Variants in SLC6A9 observed in about 807,000 individuals in gnomAD.
SLC6A9 encodes solute carrier family 6 member 9.
SLC6A9 carries 31 observed loss-of-function variants against 70.9 expected under a neutral mutation model. The ratio of observed to expected loss-of-function variants is 0.44; its 90% CI spans 0.33 to 0.59. The LOEUF is 0.59. SLC6A9 is among the 20% of genes least tolerant of loss of function. The pLI is 0.04. For synonymous variants in SLC6A9, 310 were observed against 341.3 expected (o/e 0.91, Z 1.01); for missense variants, 631 against 845.2 (o/e 0.75, Z 3.14).
At chr1:44,017,444 C>T (rs867002759) in intron 2 of SLC6A9, 2 of 992,438 alleles carry the variant, frequency 2.0e-6, no homozygotes, top group South Asian at 2.1e-5. Context: ...GTGGCTCACT[C>T]CCCCCACGGA....
intron 12 of SLC6A9, among the ~76,000 whole-genome samples, chr1:43,999,840 C>T (rs2086025006): frequency 1.3e-5 from 2 of 152,200 alleles, no homozygotes; most frequent in African/African-American, 4.8e-5. Context: ...CTCTGACTAT[C>T]ACTCAGAGGT....
Position 44,000,754 on chromosome 1 carries a change from C to T in SLC6A9, c.1536+13G>A, listed in dbSNP as rs1422916667. 1 of 1,565,880 alleles carries T rather than the reference C, an allele frequency of 6.4e-7. No individual in the cohort carries two copies. The highest frequency in any genetic ancestry group is 2.2e-5 in the East Asian group (1 of 44,612). Reference sequence around the variant, plus strand: ...GGCAGCGGGGGAAGGGAGGGGCCGGCCAGGGAACTCACGAAGATGATGGCG... The same window carrying T: ...GGCAGCGGGGGAAGGGAGGGGCCGGTCAGGGAACTCACGAAGATGATGGCG... On this transcript the variant is annotated intron_variant, in intron 12 of 13. Transcript: ENST00000372310.
At chr1:44,017,408 CA>C (rs1553163829) in intron 2 of SLC6A9, 1 of 958,288 alleles carries the variant, frequency 1.0e-6, no homozygotes. Context: ...CACACACACA[CA>C]GACTGGGGCA....
Position 44,002,677 on chromosome 1 carries a change from G to A in SLC6A9, c.724-31C>T. 6.2e-7 allele frequency: 1 copy of A among 1,613,322 alleles called. No homozygotes were observed. The highest frequency in any genetic ancestry group is 8.5e-7 in the Non-Finnish European group (1 of 1,179,438). On this transcript the variant is annotated intron_variant, in intron 6 of 13. Coordinates refer to ENST00000372310, the MANE Select transcript of SLC6A9 (RefSeq NM_001024845.3). This position sits in a 1 kb window ranked among gnomAD's most constrained non-coding sequence, Gnocchi z 5.5. ...ACAAGAGGGCTCCATGGACTCTTCT[G>A]GGCTCTCCCCTCCCCTGGGCACCAC...
At chr1:44,005,989 T>C (rs2086295940) in intron 5 of SLC6A9, among the ~76,000 whole-genome samples, 1 of 152,186 alleles carries the variant, frequency 6.6e-6, no homozygotes, top group South Asian at 2.1e-4. Context: ...CTGGATAAAA[T>C]CTCTAGAGCT....
rs746652370 is a variant in SLC6A9, at chr1:43,997,566, G to A, written c.1881C>T (p.Arg627=). Reference sequence around the variant, plus strand: ...GTGCTCATATCCGGGAGTCCTGGAGGCGGCTGGAGCCATTACTGCCCACAA... The same window carrying A: ...GTGCTCATATCCGGGAGTCCTGGAGACGGCTGGAGCCATTACTGCCCACAA... ...IPIVGSNGSS[R]LQDSRI is the part of the protein sequence containing the mutation. The change falls in exon 14 of 14, where the codon CGC becomes CGT. Residue 627 remains arginine, a synonymous_variant. Coordinates refer to ENST00000372310, the MANE Select transcript of SLC6A9 (RefSeq NM_001024845.3). This position sits in a 1 kb window ranked among gnomAD's most constrained non-coding sequence, Gnocchi z 4.4. 1.2e-6 allele frequency: 2 copies of A among 1,613,586 alleles called. No individual in the cohort carries two copies. Among genetic ancestry groups the A allele is most frequent in the South Asian group, 2.2e-5 (2 of 91,082 alleles).
At chr1:44,017,368 AACACACACACAC>A (rs3038812) in intron 2 of SLC6A9, 1,034 of 827,892 alleles carry the variant, frequency 1.2e-3, no homozygotes, top group African/African-American at 6.0e-3. Context: ...TAACTGGAAC[AACACACACACAC>A]ACACACACAC....
At chr1:44,006,670 T>G (rs137862487) in intron 5 of SLC6A9, among the ~76,000 whole-genome samples, 90 of 150,464 alleles carry the variant, frequency 6.0e-4, no homozygotes, top group African/African-American at 2.2e-3. Context: ...AATGTTAGGA[T>G]GTTAAAAATT....
rs202227574 is a variant in SLC6A9 at position 44,011,717 on chromosome 1, C to T, written c.31-835G>A. The stretch of plus-strand genomic sequence containing the variant: ...AGAAGGATCTCTGAACAGGGAGAAG[C>T]GTCACCTGCAGGGGAGGGGGCCGAA... On this transcript the variant is annotated intron_variant, in intron 2 of 13. Coordinates refer to ENST00000372310, the MANE Select transcript of SLC6A9 (RefSeq NM_001024845.3). 6.2e-6 allele frequency: 10 copies of T among 1,613,574 alleles called. No individual in the cohort carries two copies. Among genetic ancestry groups the T allele is most frequent in the Admixed American group, 1.7e-5 (1 of 59,956 alleles).
chr1:44,010,396 T>TTGTGAGGATAAGTTG (rs2086502905), intron 3 of SLC6A9: 1 of 407,606 alleles, frequency 2.5e-6, no homozygotes. Context: ...ATCCTCAACA[T>TTGTGAGGATAAGTTG]CCCTGAACCA....
chr1:44,022,904 C>T (rs2086914243), intron 2 of SLC6A9, among the ~76,000 whole-genome samples: 1 of 151,912 alleles, frequency 6.6e-6, no homozygotes, highest in Non-Finnish European at 1.5e-5. Context: ...CAAGGTTTCA[C>T]CATGTTGGTC....
Position 44,001,382 on chromosome 1 carries a change from C to T in SLC6A9, c.1200+8G>A. The T allele has an allele frequency of 1.9e-6, 3 of 1,612,420 alleles. No individual in the cohort carries two copies. Among genetic ancestry groups the T allele is most frequent in the Non-Finnish European group, 2.5e-6 (3 of 1,178,782 alleles). On this transcript the variant is annotated splice_region_variant and intron_variant, in intron 9 of 13. Coordinates refer to ENST00000372310, the MANE Select transcript of SLC6A9 (RefSeq NM_001024845.3). The stretch of plus-strand genomic sequence containing the variant: ...CCAAGCCTCCGGTCCACGTCCTGCA[C>T]CTCGTACCTGAGTGCCCAGCCCCAG...
intron 5 of SLC6A9, among the ~76,000 whole-genome samples, chr1:44,007,246 C>A (rs1244537016): frequency 6.6e-6 from 1 of 152,246 alleles, no homozygotes; most frequent in Non-Finnish European, 1.5e-5. Context: ...TGGACCGAGG[C>A]ACTTGCCCTA....
chr1:44,028,779 A>G (rs572158817), intron 1 of SLC6A9, among the ~76,000 whole-genome samples: 1 of 149,452 alleles, frequency 6.7e-6, no homozygotes, highest in East Asian at 1.9e-4. Context: ...AGAAAAAAGA[A>G]AGAGAGAGAG....
Position 44,000,776 on chromosome 1 carries a change from GGC to G in SLC6A9, c.1525_1526del (p.Ala509HisfsTer93), listed in dbSNP as rs749973223. On this transcript the variant is annotated frameshift_variant, in exon 12 of 14. Coordinates refer to ENST00000372310, the MANE Select transcript of SLC6A9 (RefSeq NM_001024845.3). LOFTEE classifies it high-confidence loss of function. The stretch of plus-strand genomic sequence containing the variant: ...CGGCCAGGGAACTCACGAAGATGAT[GGC>G]GGGAGAGACGAAGCGCCAGCAGATC... ...FQICWRFVSP[A>X]IIFFILVFTV... 5 of 1,604,688 alleles carry G rather than the reference GGC, an allele frequency of 3.1e-6. No individual in the cohort carries two copies. Among genetic ancestry groups the G allele is most frequent in the African/African-American group, 1.3e-5 (1 of 74,742 alleles).
intron 2 of SLC6A9, chr1:44,016,370 C>G (rs1054566903): frequency 6.6e-6 from 1 of 152,548 alleles, no homozygotes; most frequent in Admixed American, 6.5e-5. Flanking sequence ...CCCACATCGC[C>G]TCAGAGGACA....
At chr1:44,030,083 G>T (rs894622037) in intron 1 of SLC6A9, among the ~76,000 whole-genome samples, 1 of 152,100 alleles carries the variant, frequency 6.6e-6, no homozygotes, top group African/African-American at 2.4e-5. Context: ...CGGAGAGCAG[G>T]CCCGAAAGGG....
chr1:44,003,595 A>G (rs1300186717), intron 5 of SLC6A9, among the ~76,000 whole-genome samples: 1 of 152,076 alleles, frequency 6.6e-6, no homozygotes, highest in African/African-American at 2.4e-5. Flanking sequence ...CGTCTCTACA[A>G]AAATTAGCCG....
intron 1 of SLC6A9, among the ~76,000 whole-genome samples, chr1:44,028,779 A>AAG (rs141741974): frequency 5.3e-5 from 8 of 149,570 alleles, no homozygotes; most frequent in Admixed American, 1.3e-4. Flanking sequence ...AGAAAAAAGA[A>AAG]AGAGAGAGAG....
Sources: gnomAD v4.1 joint callset for allele counts (sites outside exome capture counted in the v4.1 genomes callset) on GRCh38, gnomAD v4.1.1 for gene constraint, Gnocchi (gnomAD v3.1) non-coding constraint, MANE v1.5 for transcripts, NCBI Gene and HGNC (gene_info 2026-07-23, HGNC 2026-07-21) for gene names.